The following XIRP2 variants were observed in gnomAD, a reference collection of about 807,000 sequenced individuals.
The protein encoded by XIRP2 is xin actin binding repeat containing 2.
A neutral mutation model predicts 277.0 loss-of-function variants in XIRP2; 236 were observed. The ratio of observed to expected loss-of-function variants is 0.85; its 90% CI spans 0.77 to 0.95. The LOEUF is 0.95. XIRP2 is among the 40% of genes least tolerant of loss of function. The pLI, the probability that XIRP2 is intolerant of heterozygous loss-of-function variation, is 0.00. For missense variants in XIRP2, 4,640 were observed against 4,157.5 expected (o/e 1.12, Z -3.19); for synonymous variants, 1,490 against 1,416.5 (o/e 1.05, Z -1.17).
At chr2:167,015,485 A>T (rs892456480) in intron 2 of XIRP2, among the ~76,000 whole-genome samples, 1 of 151,386 alleles carries the variant, frequency 6.6e-6, no homozygotes, top group Non-Finnish European at 1.5e-5. Context: ...TTATCATTCT[A>T]TGGGATGTAG....
At chr2:166,902,408 G>A (rs1186874193) in intron 1 of XIRP2, among the ~76,000 whole-genome samples, 1 of 152,034 alleles carries the variant, frequency 6.6e-6, no homozygotes, top group South Asian at 2.1e-4. Context: ...GAGCTATTGT[G>A]TTAGGTGACC....
At chr2:166,995,088 G>T (rs918331568) in intron 2 of XIRP2, among the ~76,000 whole-genome samples, 3 of 152,046 alleles carry the variant, frequency 2.0e-5, no homozygotes, top group African/African-American at 7.2e-5. Context: ...CACCATGTTG[G>T]CCAGGGTGGT....
At chr2:167,221,876 A>G (rs1390013188) in intron 5 of XIRP2, among the ~76,000 whole-genome samples, 1 of 152,216 alleles carries the variant, frequency 6.6e-6, no homozygotes, top group African/African-American at 2.4e-5. Context: ...GAGTTAAAAG[A>G]AAGAACATTT....
intron 2 of XIRP2, among the ~76,000 whole-genome samples, chr2:167,134,096 A>G (rs1399715137): frequency 6.6e-6 from 1 of 152,074 alleles, no homozygotes; most frequent in Non-Finnish European, 1.5e-5. Flanking sequence ...CCAGATAACA[A>G]TATTTCTAGT....
At chr2:167,000,930 C>A (rs1269976840) in intron 2 of XIRP2, among the ~76,000 whole-genome samples, 1 of 151,974 alleles carries the variant, frequency 6.6e-6, no homozygotes, top group Non-Finnish European at 1.5e-5. Flanking sequence ...ACCTGTAGTA[C>A]CAGCTACTTG....
chr2:167,174,520 T>C (rs1163551970), intron 3 of XIRP2, among the ~76,000 whole-genome samples: 1 of 152,154 alleles, frequency 6.6e-6, no homozygotes, highest in Non-Finnish European at 1.5e-5. Context: ...TCTTTATTAG[T>C]CTGGCTAGCA....
chr2:166,918,782 G>A (rs1219321868), intron 2 of XIRP2, among the ~76,000 whole-genome samples: 1 of 152,006 alleles, frequency 6.6e-6, no homozygotes, highest in African/African-American at 2.4e-5. Flanking sequence ...TAAGATTAGG[G>A]AACATTTATT....
At chr2:167,113,814 C>T (rs186327825) in intron 2 of XIRP2, among the ~76,000 whole-genome samples, 40 of 152,230 alleles carry the variant, frequency 2.6e-4, no homozygotes, top group African/African-American at 8.9e-4. Context: ...CTTTCAGGAC[C>T]TCTTATTAGG....
At chr2:167,155,803 A>T (rs1037098950) in intron 3 of XIRP2, among the ~76,000 whole-genome samples, 107 of 151,968 alleles carry the variant, frequency 7.0e-4, no homozygotes, top group African/African-American at 2.4e-3. Flanking sequence ...GAGGAAGTCA[A>T]ATTGTCCCTG....
intron 3 of XIRP2, among the ~76,000 whole-genome samples, chr2:167,178,686 G>A (rs1396852298): frequency 6.6e-6 from 1 of 151,394 alleles, no homozygotes; most frequent in African/African-American, 2.4e-5. Context: ...TTCTCCTGAT[G>A]AAATTTAAAA....
intron 2 of XIRP2, among the ~76,000 whole-genome samples, chr2:166,953,303 G>A (rs1414041319): frequency 1.3e-5 from 2 of 151,882 alleles, no homozygotes; most frequent in African/African-American, 2.4e-5. Flanking sequence ...GGGACCTGGT[G>A]AAAGGTAATT....
At position 167,243,800 on chromosome 2, in the gene XIRP2, G is replaced by A. The variant is rs1187476373; in HGVS notation, c.2408G>A (p.Gly803Asp). ...ATATCCATGGAAGAAAATGTCAAAG[G>A]TGGGGTGAGTAAGGCAAAGTGGTTA... Reference protein sequence around the residue: ...RGISMEENVKGGVSKAKWLFE... With the variant: ...RGISMEENVKDGVSKAKWLFE... The change falls in exon 9 of 11, where the codon GGT becomes GAT. Residue 803 changes from glycine (G) to aspartate (D), a missense_variant. Gly to Asp is a moderately conservative substitution (Grantham distance 94, BLOSUM62 -1). Transcript: ENST00000409195. The A allele has an allele frequency of 1.2e-6, 2 of 1,613,926 alleles. No homozygotes were observed. Among genetic ancestry groups the A allele is most frequent in the Non-Finnish European group, 1.7e-6 (2 of 1,179,974 alleles).
At chr2:166,922,578 A>C (rs528317376) in intron 2 of XIRP2, among the ~76,000 whole-genome samples, 14 of 151,988 alleles carry the variant, frequency 9.2e-5, no homozygotes, top group African/African-American at 3.4e-4. Context: ...TATTTGACCC[A>C]CATAACATAA....
intron 2 of XIRP2, among the ~76,000 whole-genome samples, chr2:166,971,381 A>G (rs907141176): frequency 1.2e-4 from 18 of 152,036 alleles, no homozygotes; most frequent in African/African-American, 4.1e-4. Flanking sequence ...GAAAGGAAAA[A>G]AAAGTATGAA....
intron 2 of XIRP2, among the ~76,000 whole-genome samples, chr2:167,062,207 C>T (rs969193989): frequency 6.6e-5 from 10 of 152,154 alleles, no homozygotes; most frequent in Non-Finnish European, 8.8e-5. Context: ...ACCTGAACAA[C>T]GATAGCTGGA....
intron 5 of XIRP2, among the ~76,000 whole-genome samples, chr2:167,224,526 A>G (rs759194270): frequency 2.6e-5 from 4 of 152,056 alleles, no homozygotes; most frequent in Non-Finnish European, 5.9e-5. Context: ...AATTACAGTC[A>G]TGAGCCACTG....
At chr2:167,241,085 T>G (rs1360023928) in intron 7 of XIRP2, among the ~76,000 whole-genome samples, 1 of 152,172 alleles carries the variant, frequency 6.6e-6, no homozygotes, top group Non-Finnish European at 1.5e-5. Context: ...CTGAATTAAT[T>G]TTAATAACAG....
rs76490298 is a variant in XIRP2 at position 167,091,959 on chromosome 2, G to A, written c.409-43950G>A. 1.2e-4 allele frequency among the ~76,000 whole-genome samples: 19 copies of A among 152,178 alleles called. No individual in the cohort carries two copies. In the East Asian group the frequency reaches 2.3e-3, roughly 19 times the overall value. ...TGTGACTTTTGATGATATCAGCAGCGAACTTGAGGATAAAAGCAACACCAA... is the reference window on the plus strand; with the variant it reads ...TGTGACTTTTGATGATATCAGCAGCAAACTTGAGGATAAAAGCAACACCAA... On this transcript the variant is annotated intron_variant, in intron 2 of 10. Coordinates refer to ENST00000409195, the MANE Select transcript of XIRP2 (RefSeq NM_152381.6).
intron 2 of XIRP2, among the ~76,000 whole-genome samples, chr2:166,939,679 CAAA>C (rs138977006): frequency 2.2e-5 from 2 of 90,668 alleles, no homozygotes; most frequent in East Asian, 5.8e-4. Context: ...GACTCCATCA[CAAA>C]AAAAAAAAAA....
Sources: allele counts gnomAD v4.1 joint callset (sites outside exome capture counted in the v4.1 genomes callset), GRCh38; gene constraint gnomAD v4.1.1; transcripts MANE v1.5; gene names NCBI Gene and HGNC (gene_info 2026-07-23, HGNC 2026-07-21).